Variants in DNM3 observed in about 807,000 individuals in gnomAD.
The protein encoded by DNM3 is dynamin-3.
Under a neutral mutation model 101.6 loss-of-function variants are expected in DNM3, and 47 were observed. The ratio of observed to expected loss-of-function variants is 0.46; its 90% CI spans 0.37 to 0.59. DNM3 has a LOEUF of 0.59. Among genes scored for constraint, DNM3 ranks in the 20% least tolerant of loss-of-function variants. The probability of loss-of-function intolerance (pLI) is 0.00; values close to 1 mark genes in which losing one functional copy is unlikely to be tolerated. For synonymous variants in DNM3, 385 were observed against 387.9 expected (o/e 0.99, Z 0.09); for missense variants, 849 against 1,085.7 (o/e 0.78, Z 3.06).
chr1:172,330,693 C>CA (rs1324415055), intron 17 of DNM3, among the ~76,000 whole-genome samples: 2 of 149,766 alleles, frequency 1.3e-5, no homozygotes, highest in Admixed American at 6.6e-5. Flanking sequence ...TTGAAATACA[C>CA]AAAAAAATGA....
chr1:172,204,600 T>C (rs1396223830), intron 14 of DNM3, among the ~76,000 whole-genome samples: 1 of 152,180 alleles, frequency 6.6e-6, no homozygotes, highest in Non-Finnish European at 1.5e-5. Context: ...TCTTTGCTAA[T>C]GGCCTCAGCA....
intron 1 of DNM3, among the ~76,000 whole-genome samples, chr1:171,876,133 C>T (rs1348290594): frequency 4.6e-5 from 7 of 152,018 alleles, no homozygotes; most frequent in African/African-American, 1.2e-4. Context: ...TTTAAAGATA[C>T]GTACTTACAT....
intron 2 of DNM3, among the ~76,000 whole-genome samples, chr1:171,954,559 C>A (rs892675640): frequency 6.6e-6 from 1 of 152,200 alleles, no homozygotes; most frequent in African/African-American, 2.4e-5. Context: ...AACTGTAATG[C>A]TCTTAAATCA....
intron 10 of DNM3, among the ~76,000 whole-genome samples, chr1:172,061,637 G>C (rs1483399940): frequency 6.9e-6 from 1 of 145,694 alleles, no homozygotes; most frequent in African/African-American, 2.5e-5. Flanking sequence ...TCATAGGTGG[G>C]AATTGAACAA....
intron 1 of DNM3, among the ~76,000 whole-genome samples, chr1:171,879,211 G>T (rs1348694316): frequency 6.6e-6 from 1 of 152,182 alleles, no homozygotes; most frequent in African/African-American, 2.4e-5. Context: ...AGAAGCAAGG[G>T]CTGGAAGAAG....
chr1:172,271,965 T>C (rs1187211178), intron 15 of DNM3, among the ~76,000 whole-genome samples: 2 of 152,154 alleles, frequency 1.3e-5, no homozygotes, highest in Admixed American at 1.3e-4. Flanking sequence ...TCCAAAACTC[T>C]AACACAAAAA....
At chr1:172,150,476 T>C (rs2148225265) in intron 14 of DNM3, among the ~76,000 whole-genome samples, 1 of 152,288 alleles carries the variant, frequency 6.6e-6, no homozygotes, top group East Asian at 1.9e-4. Flanking sequence ...CATATACTGT[T>C]TTCTGAATTT....
At position 171,901,008 on chromosome 1, in the gene DNM3, G is replaced by A. The variant is rs533519138; in HGVS notation, c.162-20740G>A. 2.6e-5 allele frequency among the ~76,000 whole-genome samples: 4 copies of A among 150,994 alleles called. No individual in the cohort carries two copies. In the South Asian group the frequency reaches 8.4e-4, roughly 32 times the overall value. ...GGCGCCTGTAGTCCCAGCTGCTCGG[G>A]AGGCTGAGGCAGGAGAATGGCGTGA... On this transcript the variant is annotated intron_variant, in intron 1 of 20. Coordinates refer to ENST00000627582, the MANE Select transcript of DNM3 (RefSeq NM_015569.5).
At chr1:172,361,938 T>C (rs569772559) in intron 17 of DNM3, among the ~76,000 whole-genome samples, 2 of 152,108 alleles carry the variant, frequency 1.3e-5, no homozygotes, top group Admixed American at 6.6e-5. Context: ...TGCCCTCCTT[T>C]CACTCACCTC....
chr1:172,385,222 C>CAAT (rs1180145724), intron 18 of DNM3, among the ~76,000 whole-genome samples: 15 of 152,230 alleles, frequency 9.9e-5, no homozygotes, highest in African/African-American at 3.6e-4. Flanking sequence ...GAACGATCTA[C>CAAT]AATAGCCTTC....
At chr1:171,861,876 C>T (rs1477143602) in intron 1 of DNM3, among the ~76,000 whole-genome samples, 2 of 152,082 alleles carry the variant, frequency 1.3e-5, no homozygotes, top group Non-Finnish European at 2.9e-5. Flanking sequence ...ACAAAAGGAA[C>T]TCTTATAACA....
intron 13 of DNM3, among the ~76,000 whole-genome samples, chr1:172,094,303 G>A (rs1232441016): frequency 6.6e-6 from 1 of 152,110 alleles, no homozygotes; most frequent in African/African-American, 2.4e-5. Context: ...CAGATACTAT[G>A]TCTTCTTTTA....
At chr1:172,315,287 G>A (rs560090275) in intron 16 of DNM3, among the ~76,000 whole-genome samples, 16 of 152,214 alleles carry the variant, frequency 1.1e-4, no homozygotes, top group Non-Finnish European at 2.4e-4. Flanking sequence ...CACAAAGATG[G>A]GGAAAAAACA....
At chr1:171,894,501 T>C (rs1358586540) in intron 1 of DNM3, among the ~76,000 whole-genome samples, 2 of 151,466 alleles carry the variant, frequency 1.3e-5, no homozygotes, top group Non-Finnish European at 2.9e-5. Flanking sequence ...ACTTCCCAGG[T>C]TGATGCAATT....
chr1:172,057,055 C>T (rs537193236), intron 10 of DNM3, among the ~76,000 whole-genome samples: 65 of 152,034 alleles, frequency 4.3e-4, no homozygotes, highest in South Asian at 1.7e-3. Flanking sequence ...ATTCAGAAGC[C>T]TCAGGAGCCG....
At chr1:172,075,716 G>T (rs926619085) in intron 11 of DNM3, among the ~76,000 whole-genome samples, 4 of 152,198 alleles carry the variant, frequency 2.6e-5, no homozygotes, top group African/African-American at 9.7e-5. Flanking sequence ...GGTTACCAAA[G>T]CTTTGTAGTA....
At chr1:171,913,900 T>C (rs1272642078) in intron 1 of DNM3, among the ~76,000 whole-genome samples, 2 of 151,990 alleles carry the variant, frequency 1.3e-5, no homozygotes, top group Non-Finnish European at 2.9e-5. Context: ...GCAATCCTCC[T>C]GCCTCAGGCT....
intron 10 of DNM3, among the ~76,000 whole-genome samples, chr1:172,056,138 C>T (rs1235018945): frequency 1.3e-5 from 2 of 152,194 alleles, no homozygotes; most frequent in East Asian, 1.9e-4. Flanking sequence ...TTCCGACAGG[C>T]TTAAAAAAGG....
chr1:172,068,329 A>AAAAT (rs764218264), intron 10 of DNM3, among the ~76,000 whole-genome samples: 1 of 152,200 alleles, frequency 6.6e-6, no homozygotes, highest in Non-Finnish European at 1.5e-5. Context: ...ACTCTGTCTC[A>AAAAT]AAATAAATAA....
Sources: allele counts gnomAD v4.1 joint callset (sites outside exome capture counted in the v4.1 genomes callset), GRCh38; gene constraint gnomAD v4.1.1; transcripts MANE v1.5; gene names NCBI Gene and HGNC (gene_info 2026-07-23, HGNC 2026-07-21).